The following SLC38A11 variants were observed in gnomAD, a reference collection of about 807,000 sequenced individuals.
SLC38A11 encodes solute carrier family 38 member 11.
SLC38A11 carries 51 observed loss-of-function variants against 49.4 expected under a neutral mutation model. The observed-to-expected ratio is 1.03, with a 90% CI of 0.83 to 1.30. The LOEUF is 1.30. Among genes scored for constraint, SLC38A11 ranks in the 50% most tolerant of loss-of-function variants. The pLI is 0.00. For missense variants in SLC38A11, 574 were observed against 556.2 expected (o/e 1.03, Z -0.32); for synonymous variants, 203 against 192.9 (o/e 1.05, Z -0.43).
chr2:164,945,652 G>C lies in SLC38A11; in HGVS notation c.305C>G (p.Thr102Ser). 1 of 1,612,008 alleles carries C rather than the reference G, an allele frequency of 6.2e-7. No homozygotes were observed. The highest frequency in any genetic ancestry group is 8.5e-7 in the Non-Finnish European group (1 of 1,179,618). The change falls in exon 4 of 12, where the codon ACT (threonine) becomes AGT (serine). Residue 102 changes from threonine to serine, a missense_variant. Thr to Ser is a moderately conservative substitution (Grantham distance 58). Transcript: ENST00000685975. ...GAGCAGATACCCTGGAAAGCCGAAA[G>C]TTTTATTGACCAAAGACTGGTAGGT... The part of the protein sequence containing the change: ...TDTYQSLVNK[T>S]FGFPGYLLLS...
Position 164,898,531 on chromosome 2 carries a change from C to G in SLC38A11, c.1295G>C (p.Cys432Ser). Residue 432 changes from cysteine (C) to serine (S), a missense_variant, in exon 12 of 12, where the codon TGC becomes TCC. Cys to Ser is a moderately radical substitution (Grantham distance 112, BLOSUM62 -1). Coordinates refer to ENST00000685975, the MANE Select transcript of SLC38A11 (RefSeq NM_001351537.2). ...DCTHGQEMFY[C>S]FPDNFSLTNT... is the part of the protein sequence containing the mutation. The stretch of plus-strand genomic sequence containing the variant: ...TGTGAGAGAGAAATTGTCAGGAAAG[C>G]AGTAGAACATTTCCTGCCCATGGGT... 6.2e-7 allele frequency: 1 copy of G among 1,613,522 alleles called. No homozygotes were observed. Among genetic ancestry groups the G allele is most frequent in the Non-Finnish European group, 8.5e-7 (1 of 1,179,674 alleles).
chr2:164,949,175 T>C (rs903922585), intron 3 of SLC38A11, among the ~76,000 whole-genome samples: 2 of 131,984 alleles, frequency 1.5e-5, no homozygotes, highest in East Asian at 2.3e-4. Flanking sequence ...GATTGCTATA[T>C]GTTTACCCAT....
chr2:164,933,684 C>T (rs1305355262), intron 7 of SLC38A11, among the ~76,000 whole-genome samples: 2 of 151,914 alleles, frequency 1.3e-5, no homozygotes, highest in African/African-American at 4.8e-5. Context: ...TTCATCTGAA[C>T]CGAAAATGAA....
chr2:164,955,156 G>C (rs1688764836), intron 1 of SLC38A11, 53 bp downstream of exon 1: 3 of 1,527,124 alleles, frequency 2.0e-6, no homozygotes, highest in Non-Finnish European at 2.7e-6. Flanking sequence ...GTTGCAAGGT[G>C]AATGAAATTT....
intron 7 of SLC38A11, among the ~76,000 whole-genome samples, chr2:164,932,850 A>G (rs1053453628): frequency 2.0e-5 from 3 of 152,096 alleles, no homozygotes; most frequent in Non-Finnish European, 2.9e-5. Flanking sequence ...AAGTTTACCT[A>G]TATAACAAAC....
At chr2:164,901,921 C>T (rs1684676981) in intron 11 of SLC38A11, among the ~76,000 whole-genome samples, 1 of 151,828 alleles carries the variant, frequency 6.6e-6, no homozygotes, top group South Asian at 2.1e-4. Flanking sequence ...ATGTTGAGGA[C>T]TTTTCTCTCT....
intron 7 of SLC38A11, 32 bp from the exon 8 acceptor site, chr2:164,916,005 G>T (rs777718334): frequency 1.3e-5 from 19 of 1,456,142 alleles, no homozygotes; most frequent in Non-Finnish European, 1.7e-5. Context: ...TTGATAAATT[G>T]TTAAATAAAT....
At chr2:164,944,759 A>G in intron 4 of SLC38A11, 125 bp from the exon 5 acceptor site, 1 of 375,258 alleles carries the variant, frequency 2.7e-6, no homozygotes, top group South Asian at 1.4e-4. Flanking sequence ...AATGTATATT[A>G]TGATTACCAG....
chr2:164,951,653 A>T (rs1574021942), intron 3 of SLC38A11, among the ~76,000 whole-genome samples: 1 of 152,152 alleles, frequency 6.6e-6, no homozygotes, highest in East Asian at 1.9e-4. Flanking sequence ...TGGAAGCCTG[A>T]GGTTTTACGA....
intron 7 of SLC38A11, among the ~76,000 whole-genome samples, chr2:164,921,173 T>C (rs148571192): frequency 6.6e-6 from 1 of 152,148 alleles, no homozygotes; most frequent in Non-Finnish European, 1.5e-5. Context: ...AAAAAGGCAC[T>C]TAGACTCATA....
chr2:164,937,588 G>A (rs1687460005), intron 6 of SLC38A11, 159 bp from the exon 7 acceptor site: 3 of 557,252 alleles, frequency 5.4e-6, no homozygotes, highest in African/African-American at 3.8e-5. Flanking sequence ...GATAATCTCA[G>A]GCAGGTAACT....
At chr2:164,937,609 T>A in intron 6 of SLC38A11, 180 bp from the exon 7 acceptor site, 1 of 532,168 alleles carries the variant, frequency 1.9e-6, no homozygotes, top group South Asian at 2.1e-5. Flanking sequence ...TCTTATCAGA[T>A]CAGTCTTGGT....
rs766675241 is a variant in SLC38A11, at chr2:164,898,671, C to T, written c.1155G>A (p.Leu385=). Residue 385 remains leucine, a synonymous_variant, in exon 12 of 12, where the codon CTG becomes CTA. Coordinates refer to ENST00000685975, the MANE Select transcript of SLC38A11 (RefSeq NM_001351537.2). ...CGGAGTGTGTCCTTGGTTCTTCAGA[C>T]AGTTTCAGATAACAGGCTGATGGAA... The part of the protein sequence containing the change: ...FIIPSACYLK[L]SEEPRTHSDK... 1.2e-6 allele frequency: 2 copies of T among 1,613,444 alleles called. No homozygotes were observed. The highest frequency in any genetic ancestry group is 2.2e-5 in the East Asian group (1 of 44,822).
In SLC38A11 at chr2:164,939,513, T is replaced by C. The variant is rs1272823327; in HGVS notation, c.474A>G (p.Gly158=). The C allele has an allele frequency of 3.1e-6, 5 of 1,610,784 alleles. No individual in the cohort carries two copies. Among genetic ancestry groups the C allele is most frequent in the Non-Finnish European group, 4.2e-6 (5 of 1,177,998 alleles). The change falls in exon 6 of 12, where the codon GGA becomes GGG. Residue 158 remains glycine (G), a synonymous_variant. Coordinates refer to ENST00000685975, the MANE Select transcript of SLC38A11 (RefSeq NM_001351537.2). ...NVFIGRHFII[G]LSTVTFTLPL... ...GCAGAGTAAAGGTAACTGTGGAAAG[T>C]CCAATAATGAAGTGGCGACCAATAA...
Position 164,898,380 on chromosome 2 carries a change from G to T in SLC38A11, c.*57C>A. On this transcript the variant is annotated 3_prime_UTR_variant, in exon 12 of 12. Coordinates refer to ENST00000685975, the MANE Select transcript of SLC38A11 (RefSeq NM_001351537.2). ...AACATAAATACAGACTAAAGCAAGCGTAAATGTTATGTGTTTTAAAGTCTA... is the reference window on the plus strand; with the variant it reads ...AACATAAATACAGACTAAAGCAAGCTTAAATGTTATGTGTTTTAAAGTCTA... 7.9e-7 allele frequency: 1 copy of T among 1,269,894 alleles called. No homozygotes were observed. Among genetic ancestry groups the T allele is most frequent in the Non-Finnish European group, 1.1e-6 (1 of 899,806 alleles). 78.7% of individuals were successfully genotyped at this position (1,269,894 alleles called of 1,614,324 possible). A position where few individuals can be genotyped will look rare whatever the true frequency, so the allele number is the denominator to read the frequency against.
intron 9 of SLC38A11, among the ~76,000 whole-genome samples, chr2:164,913,325 T>A (rs1241446688): frequency 6.6e-6 from 1 of 152,058 alleles, no homozygotes; most frequent in Non-Finnish European, 1.5e-5. Context: ...CCCCGTTCAC[T>A]AACCTCCACT....
intron 2 of SLC38A11, 66 bp downstream of exon 2, chr2:164,954,565 A>T: frequency 1.6e-6 from 1 of 631,922 alleles, no homozygotes; most frequent in South Asian, 2.9e-5. Flanking sequence ...AATGAACACT[A>T]GCAGCGTAGC....
intron 6 of SLC38A11, 96 bp from the exon 7 acceptor site, chr2:164,937,525 A>G: frequency 2.4e-6 from 2 of 819,328 alleles, no homozygotes; most frequent in South Asian, 3.2e-5. Context: ...GTAAACTTAC[A>G]TATAGATTTT....
intron 4 of SLC38A11, among the ~76,000 whole-genome samples, chr2:164,944,934 T>G (rs1456930345): frequency 6.6e-6 from 1 of 152,186 alleles, no homozygotes; most frequent in African/African-American, 2.4e-5. Context: ...AAAGTTCAGT[T>G]TCCAAACCCC....
Sources: gnomAD v4.1 joint callset for allele counts (sites outside exome capture counted in the v4.1 genomes callset) on GRCh38, gnomAD v4.1.1 for gene constraint, MANE v1.5 for transcripts, NCBI Gene and HGNC (gene_info 2026-07-23, HGNC 2026-07-21) for gene names.